The following CNTNAP3B variants were observed in gnomAD, a reference collection of about 807,000 sequenced individuals.
The protein encoded by CNTNAP3B is contactin associated protein family member 3B, also known as contactin-associated protein-like 3B.
In CNTNAP3B, 25 loss-of-function variants were observed where a neutral mutation model predicts 108.9. The observed-to-expected ratio is 0.23, with a 90% CI of 0.17 to 0.32. The LOEUF is 0.32. Ranked by LOEUF, CNTNAP3B falls within the 10% of genes least tolerant of loss-of-function variation. CNTNAP3B has a pLI of 1.00. For missense variants in CNTNAP3B, 252 were observed against 1,210.4 expected, an observed-to-expected ratio of 0.21 and a Z score of 11.75; for synonymous variants, 103 against 473.4, an observed-to-expected ratio of 0.22 and a Z score of 10.16.
At chr9:41,931,390 A>T (rs1823973796) in intron 14 of CNTNAP3B, among the ~76,000 whole-genome samples, 1 of 152,376 alleles carries the variant, frequency 6.6e-6, no homozygotes, top group Admixed American at 6.5e-5. Flanking sequence ...TAATTTCTCT[A>T]GTTCTATCAA....
chr9:42,071,201 T>G (rs1587246733), intron 3 of CNTNAP3B, among the ~76,000 whole-genome samples: 8 of 133,524 alleles, frequency 6.0e-5, no homozygotes, highest in East Asian at 2.3e-4. Flanking sequence ...TGGAGGCGGG[T>G]GGGGTGGGGA....
At chr9:41,926,375 G>A (rs1360218594) in intron 15 of CNTNAP3B, among the ~76,000 whole-genome samples, 2 of 152,296 alleles carry the variant, frequency 1.3e-5, no homozygotes, top group Non-Finnish European at 2.9e-5. Context: ...CAGAGATGAA[G>A]ATAAGGAAAG....
chr9:42,045,868 C>T (rs1264437479), intron 3 of CNTNAP3B, among the ~76,000 whole-genome samples: 2 of 127,134 alleles, frequency 1.6e-5, no homozygotes, highest in Non-Finnish European at 3.3e-5. Context: ...TCTGTAGGTC[C>T]TCAGTGCTGT....
At chr9:41,981,892 C>CAATAATAAT (rs1554746914) in intron 9 of CNTNAP3B, among the ~76,000 whole-genome samples, 319 of 33,966 alleles carry the variant, frequency 9.4e-3, no homozygotes, top group Non-Finnish European at 0.015. Flanking sequence ...TCTCTACAAA[C>CAATAATAAT]AATAATAATA....
chr9:41,977,620 C>CTTT (rs1174385380), intron 9 of CNTNAP3B, among the ~76,000 whole-genome samples: 2 of 116,576 alleles, frequency 1.7e-5, no homozygotes, highest in Non-Finnish European at 1.8e-5. Flanking sequence ...TGAATTTTAC[C>CTTT]TTTTTTTTTT....
At position 42,125,628 on chromosome 9, in the gene CNTNAP3B, G is replaced by A. The variant is rs1828551011; in HGVS notation, c.85+3382C>T. 1.5e-5 allele frequency among the ~76,000 whole-genome samples: 2 copies of A among 137,080 alleles called. 1 individual carries two copies. Among genetic ancestry groups the A allele is most frequent in the African/African-American group, 5.8e-5 (2 of 34,658 alleles). The allele number at this position is 137,080 out of a possible 152,430, so 89.9% of individuals were successfully genotyped here. A position where few individuals can be genotyped will look rare whatever the true frequency, so the allele number is the denominator to read the frequency against. On this transcript the variant is annotated intron_variant, in intron 1 of 23. Coordinates refer to ENST00000377561, the MANE Select transcript of CNTNAP3B (RefSeq NM_001201380.3). ...GCTCCGTACTGTTTGTATAGAGTTT[G>A]GTGAAAATGAATAAAGGCATGTGAA...
At chr9:41,940,992 T>G (rs1341353538) in intron 13 of CNTNAP3B, among the ~76,000 whole-genome samples, 6 of 152,094 alleles carry the variant, frequency 3.9e-5, no homozygotes, top group Non-Finnish European at 7.4e-5. Context: ...ATAAATATAA[T>G]AGACTATCCT....
intron 17 of CNTNAP3B, among the ~76,000 whole-genome samples, chr9:41,921,633 A>G (rs1294055391): frequency 7.2e-5 from 11 of 152,294 alleles, no homozygotes. Context: ...ATAGCAAAAT[A>G]TATTTTTCCC....
intron 10 of CNTNAP3B, among the ~76,000 whole-genome samples, 151 bp from the exon 11 acceptor site, chr9:41,964,795 A>G (rs1426914748): frequency 6.6e-6 from 1 of 152,264 alleles, no homozygotes; most frequent in African/African-American, 2.4e-5. Context: ...TTCTCTAATT[A>G]TATTGACAAA....
chr9:41,933,714 C>G (rs1416826736), intron 14 of CNTNAP3B, among the ~76,000 whole-genome samples: 1 of 152,270 alleles, frequency 6.6e-6, no homozygotes. Flanking sequence ...TCTACAATAT[C>G]TGCCAGGTTT....
chr9:42,098,653 T>G (rs1367948098), intron 2 of CNTNAP3B, among the ~76,000 whole-genome samples: 2 of 95,354 alleles, frequency 2.1e-5, no homozygotes, highest in Non-Finnish European at 4.4e-5. Flanking sequence ...TATTTAACTC[T>G]GCATGGAAAA....
intron 12 of CNTNAP3B, among the ~76,000 whole-genome samples, chr9:41,957,910 G>A (rs547170622): frequency 9.2e-5 from 14 of 152,100 alleles, no homozygotes; most frequent in Non-Finnish European, 1.3e-4. Context: ...ACAGGCACCC[G>A]CCACTACGCC....
chr9:41,953,054 G>A, intron 13 of CNTNAP3B, 129 bp downstream of exon 13: 1 of 1,151,924 alleles, frequency 8.7e-7, no homozygotes, highest in Non-Finnish European at 1.2e-6. Flanking sequence ...GAGAAGGAGA[G>A]AGCGGTCAGG....
At chr9:41,930,519 G>A (rs1166801382) in intron 14 of CNTNAP3B, among the ~76,000 whole-genome samples, 1 of 151,830 alleles carries the variant, frequency 6.6e-6, no homozygotes, top group East Asian at 1.9e-4. Context: ...CTCCAGCCTG[G>A]GTGGCAAAGT....
intron 9 of CNTNAP3B, among the ~76,000 whole-genome samples, chr9:41,981,892 C>CAATAATAATAATAATAATAATAAT (rs1554746914): frequency 5.8e-5 from 2 of 34,328 alleles, no homozygotes; most frequent in Middle Eastern, 0.01. Context: ...TCTCTACAAA[C>CAATAATAATAATAATAATAATAAT]AATAATAATA....
chr9:42,043,177 T>A (rs1826801508), intron 3 of CNTNAP3B, among the ~76,000 whole-genome samples: 1 of 120,018 alleles, frequency 8.3e-6, no homozygotes, highest in African/African-American at 3.3e-5. Context: ...TTATTCTTTT[T>A]TTTTTTTTTT....
At chr9:41,934,126 C>CATATATATATATATATAT (rs1824074627) in intron 14 of CNTNAP3B, among the ~76,000 whole-genome samples, 6 of 22,282 alleles carry the variant, frequency 2.7e-4, no homozygotes, top group African/African-American at 8.4e-4. Context: ...TATATATACA[C>CATATATATATATATATAT]ACACATATAT....
intron 2 of CNTNAP3B, among the ~76,000 whole-genome samples, chr9:42,094,264 G>T (rs1384231107): frequency 2.9e-5 from 4 of 138,242 alleles, no homozygotes; most frequent in Non-Finnish European, 4.6e-5. Context: ...TCTAGATTAG[G>T]TCTGGCAGCC....
intron 9 of CNTNAP3B, among the ~76,000 whole-genome samples, chr9:41,972,841 A>G (rs1407152963): frequency 7.3e-6 from 1 of 137,694 alleles, no homozygotes; most frequent in Non-Finnish European, 1.6e-5. Flanking sequence ...TATTAATTCA[A>G]TAAATATTTT....
Sources: gnomAD v4.1 joint callset for allele counts (sites outside exome capture counted in the v4.1 genomes callset) on GRCh38, gnomAD v4.1.1 for gene constraint, MANE v1.5 for transcripts, NCBI Gene and HGNC (gene_info 2026-07-23, HGNC 2026-07-21) for gene names.